ANKS1B: variants seen among roughly 807,000 people sequenced by gnomAD.
The protein encoded by ANKS1B is ankyrin repeat and sterile alpha motif domain-containing protein 1B.
A neutral mutation model predicts 148.3 loss-of-function variants in ANKS1B; 36 were observed. The ratio of observed to expected loss-of-function variants is 0.24; its 90% CI spans 0.19 to 0.32. The LOEUF is 0.32. Ranked by LOEUF, ANKS1B falls within the 10% of genes least tolerant of loss-of-function variation. ANKS1B has a pLI of 1.00. For missense variants in ANKS1B, 1,157 were observed against 1,542.6 expected (o/e 0.75, Z 4.19); for synonymous variants, 542 against 560.8 (o/e 0.97, Z 0.47).
chr12:98,997,119 T>C (rs1309176121), intron 17 of ANKS1B, among the ~76,000 whole-genome samples: 1 of 152,126 alleles, frequency 6.6e-6, no homozygotes, highest in East Asian at 1.9e-4. Flanking sequence ...AAAAACACTA[T>C]AAAATTTTAC....
In ANKS1B at chr12:98,745,366, TC is replaced by T. The variant is rs1173172873; in HGVS notation, c.*372del. Reference sequence around the variant, plus strand: ...GCATACTTTTAGGCAGTATTAGAGATCCCCTTTACTTTTTTTTTTTTTTTTT... The same window carrying T: ...GCATACTTTTAGGCAGTATTAGAGATCCCTTTACTTTTTTTTTTTTTTTTT... On this transcript the variant is annotated 3_prime_UTR_variant, in exon 27 of 27. Transcript: ENST00000683438. 2.5e-5 allele frequency: 24 copies of T among 957,358 alleles called. 1 individual carries two copies. The East Asian group carries it at 2.7e-3, about 107-fold the overall frequency. The allele number at this position is 957,358 out of a possible 1,614,324, so 59.3% of individuals were successfully genotyped here.
At chr12:98,900,403 T>A (rs1481672056) in intron 17 of ANKS1B, among the ~76,000 whole-genome samples, 1 of 152,222 alleles carries the variant, frequency 6.6e-6, no homozygotes, top group African/African-American at 2.4e-5. Flanking sequence ...AAAATACTTA[T>A]ATCACTAAAA....
At chr12:99,885,730 GT>G (rs199936927) in intron 1 of ANKS1B, among the ~76,000 whole-genome samples, 3 of 152,158 alleles carry the variant, frequency 2.0e-5, no homozygotes, top group East Asian at 3.9e-4. Flanking sequence ...CCAGTATGTA[GT>G]TTTTTTATCC....
chr12:99,607,243 T>C (rs897879483), intron 9 of ANKS1B, among the ~76,000 whole-genome samples: 2 of 151,986 alleles, frequency 1.3e-5, no homozygotes, highest in South Asian at 2.1e-4. Flanking sequence ...ACTAAATACA[T>C]AGGCTCACAA....
intron 11 of ANKS1B, among the ~76,000 whole-genome samples, chr12:99,419,332 T>C (rs1222945065): frequency 6.6e-6 from 1 of 152,210 alleles, no homozygotes; most frequent in South Asian, 2.1e-4. Context: ...GGGTAAATTG[T>C]GGTAGTTTGT....
At chr12:99,437,611 C>T (rs1268356971) in intron 11 of ANKS1B, among the ~76,000 whole-genome samples, 1 of 151,828 alleles carries the variant, frequency 6.6e-6, no homozygotes, top group Non-Finnish European at 1.5e-5. Context: ...GCTAAAACCA[C>T]CACCCAGAGC....
At chr12:98,775,058 G>A (rs1422168774) in intron 24 of ANKS1B, among the ~76,000 whole-genome samples, 2 of 152,176 alleles carry the variant, frequency 1.3e-5, no homozygotes, top group East Asian at 1.9e-4. Context: ...ATGTGAGATG[G>A]TGTGGGAACC....
At chr12:99,563,589 A>C (rs964406523) in intron 9 of ANKS1B, among the ~76,000 whole-genome samples, 3 of 152,178 alleles carry the variant, frequency 2.0e-5, no homozygotes, top group African/African-American at 7.2e-5. Flanking sequence ...GTAGTATCTA[A>C]GCTCATTGAT....
In ANKS1B at chr12:99,245,987, T is replaced by C. The variant is rs181365990; in HGVS notation, c.2346+288A>G. On this transcript the variant is annotated intron_variant, in intron 13 of 26. Coordinates refer to ENST00000683438, the MANE Select transcript of ANKS1B (RefSeq NM_001352186.2). ...TCGATTTGTCAGCTGCAGTGCTTGGTAGGACGAGATGTGAATATTCTCTTG... is the reference window on the plus strand; with the variant it reads ...TCGATTTGTCAGCTGCAGTGCTTGGCAGGACGAGATGTGAATATTCTCTTG... Among the ~76,000 whole-genome samples the C allele has an allele frequency of 7.2e-5, 11 of 152,296 alleles. 1 individual carries two copies. Among genetic ancestry groups the C allele is most frequent in the Admixed American group, 2.0e-4 (3 of 15,302 alleles).
At chr12:99,811,659 T>C (rs1260379404) in intron 3 of ANKS1B, among the ~76,000 whole-genome samples, 2 of 151,852 alleles carry the variant, frequency 1.3e-5, no homozygotes, top group Admixed American at 6.6e-5. Flanking sequence ...TGTATATATA[T>C]ATATCAAAAA....
At chr12:99,309,853 G>A (rs1346103540) in intron 12 of ANKS1B, among the ~76,000 whole-genome samples, 1 of 152,044 alleles carries the variant, frequency 6.6e-6, no homozygotes, top group Non-Finnish European at 1.5e-5. Flanking sequence ...TAAACACTAT[G>A]ATGTCCTCTT....
At chr12:99,295,578 C>A (rs977994759) in intron 12 of ANKS1B, among the ~76,000 whole-genome samples, 1 of 152,110 alleles carries the variant, frequency 6.6e-6, no homozygotes, top group Non-Finnish European at 1.5e-5. Flanking sequence ...TCAAATTTTT[C>A]TTTTATGGAT....
chr12:99,423,344 G>A (rs2095152415), intron 11 of ANKS1B, among the ~76,000 whole-genome samples: 1 of 152,148 alleles, frequency 6.6e-6, no homozygotes, highest in Non-Finnish European at 1.5e-5. Context: ...ACAGATGTTG[G>A]CGAGGTTGTG....
At chr12:99,879,247 G>C (rs1301782639) in intron 1 of ANKS1B, among the ~76,000 whole-genome samples, 1 of 152,122 alleles carries the variant, frequency 6.6e-6, no homozygotes, top group Non-Finnish European at 1.5e-5. Flanking sequence ...AGAGAGAAAG[G>C]CAGTTATAAG....
chr12:99,486,604 T>C (rs1294708472), intron 10 of ANKS1B, among the ~76,000 whole-genome samples: 1 of 152,118 alleles, frequency 6.6e-6, no homozygotes, highest in Non-Finnish European at 1.5e-5. Context: ...GTAAATGCAA[T>C]ACCCAATGGT....
intron 12 of ANKS1B, among the ~76,000 whole-genome samples, chr12:99,368,215 C>T (rs1052177961): frequency 1.3e-5 from 2 of 151,874 alleles, no homozygotes; most frequent in East Asian, 3.9e-4. Context: ...AACAGATACT[C>T]GAGACTACTA....
chr12:99,893,575 A>C (rs1345044929), intron 1 of ANKS1B, among the ~76,000 whole-genome samples: 2 of 152,192 alleles, frequency 1.3e-5, no homozygotes, highest in African/African-American at 4.8e-5. Flanking sequence ...TTTATTAAAA[A>C]AAGAAACTAT....
intron 9 of ANKS1B, among the ~76,000 whole-genome samples, chr12:99,622,164 C>G (rs1401019641): frequency 6.6e-6 from 1 of 151,676 alleles, no homozygotes; most frequent in Admixed American, 6.6e-5. Flanking sequence ...GGGTAAATAA[C>G]AAAAAGCAGA....
intron 12 of ANKS1B, among the ~76,000 whole-genome samples, chr12:99,321,697 G>C (rs955229250): frequency 1.3e-5 from 2 of 152,200 alleles, no homozygotes; most frequent in African/African-American, 4.8e-5. Flanking sequence ...TGCACCCACT[G>C]TCCGACAAAC....
Sources: gnomAD v4.1 joint callset for allele counts (sites outside exome capture counted in the v4.1 genomes callset) on GRCh38, gnomAD v4.1.1 for gene constraint, MANE v1.5 for transcripts, NCBI Gene and HGNC (gene_info 2026-07-23, HGNC 2026-07-21) for gene names.